The following SLFN5 variants were observed in gnomAD, a reference collection of about 807,000 sequenced individuals.
SLFN5 encodes the protein schlafen family member 5.
In SLFN5, 34 loss-of-function variants were observed where a neutral mutation model predicts 48.5. The ratio of observed to expected loss-of-function variants is 0.70; its 90% confidence interval spans 0.53 to 0.93. The LOEUF is 0.93. Ranked by LOEUF, SLFN5 falls within the 40% of genes least tolerant of loss-of-function variation. The probability of loss-of-function intolerance (pLI) is 0.00; values close to 1 mark genes in which losing one functional copy is unlikely to be tolerated. For missense variants in SLFN5, 1,006 were observed against 1,071.3 expected (o/e 0.94, Z 0.85); for synonymous variants, 387 against 396.2 (o/e 0.98, Z 0.28).
Position 35,267,364 on chromosome 17 carries a change from C to G in SLFN5, c.*1476C>G, listed in dbSNP as rs960522218. 3 of 152,102 alleles carry G rather than the reference C, an allele frequency of 2.0e-5. No individual in the cohort carries two copies. Among genetic ancestry groups the G allele is most frequent in the Non-Finnish European group, 2.9e-5 (2 of 68,038 alleles). 9.4% of individuals were successfully genotyped at this position (152,102 alleles called of 1,614,324 possible). A position where few individuals can be genotyped will look rare whatever the true frequency, so the allele number is the denominator to read the frequency against. Reference sequence around the variant, plus strand: ...GCAAAGAATGGAGTTCAACCTTACACTATAAACATCTAATAGATATGTATG... The same window carrying G: ...GCAAAGAATGGAGTTCAACCTTACAGTATAAACATCTAATAGATATGTATG... On this transcript the variant is annotated 3_prime_UTR_variant, in exon 5 of 5. Transcript: ENST00000299977.
At chr17:35,245,864 G>A (rs749121664) in intron 1 of SLFN5, among the ~76,000 whole-genome samples, 2 of 149,340 alleles carry the variant, frequency 1.3e-5, no homozygotes, top group African/African-American at 2.5e-5. Flanking sequence ...ATACTTTGGT[G>A]TGGAATGGCT....
rs115340692 is a variant in SLFN5 at position 35,263,072 on chromosome 17, G to A, written c.1139-1111G>A. ...ATCCTTGTTTCCACCTCTTTGCCTC[G>A]CACTTTGGATGTCAGCAACACAAAC... On this transcript the variant is annotated intron_variant, in intron 3 of 4. Coordinates refer to ENST00000299977, the MANE Select transcript of SLFN5 (RefSeq NM_144975.4). 8.4e-3 allele frequency among the ~76,000 whole-genome samples: 1,274 copies of A among 152,058 alleles called. 19 individuals carry two copies. Among genetic ancestry groups the A allele is most frequent in the East Asian group, 0.037 (191 of 5,164 alleles).
rs1328478422 is a variant in SLFN5, at chr17:35,259,447, G to T, written c.757G>T (p.Ala253Ser). The change falls in exon 2 of 5, where the codon GCT becomes TCT. Residue 253 changes from alanine (A) to serine (S), a missense_variant. Transcript: ENST00000299977. ...GAAAATAGACCTTACGAGCTTGAGG[G>T]CTTCTATTGATGGCTGTATTAAGAA... ...KEKIDLTSLR[A>S]SIDGCIKKLP... 6.2e-7 allele frequency: 1 copy of T among 1,614,144 alleles called. No individual in the cohort carries two copies. Among genetic ancestry groups the T allele is most frequent in the South Asian group, 1.1e-5 (1 of 91,076 alleles).
intron 2 of SLFN5, 41 bp from the exon 3 acceptor site, chr17:35,260,930 T>C: frequency 1.2e-6 from 2 of 1,608,362 alleles, no homozygotes; most frequent in Non-Finnish European, 8.5e-7. Flanking sequence ...AGTTGGGGTC[T>C]GCCTTTTTGC....
Position 35,264,968 on chromosome 17 carries a change from T to A in SLFN5, c.1859+65T>A. Reference sequence around the variant, plus strand: ...ACTGTGGCTGGTGTGGCTTTCAGTTTACTTGCTAAAATTCATATTGTATTT... The same window carrying A: ...ACTGTGGCTGGTGTGGCTTTCAGTTAACTTGCTAAAATTCATATTGTATTT... On this transcript the variant is annotated intron_variant, in intron 4 of 4. Transcript: ENST00000299977. The A allele has an allele frequency of 2.0e-6, 3 of 1,532,958 alleles. No homozygotes were observed. In the South Asian group the frequency reaches 4.0e-5, roughly 20 times the overall value. The allele number at this position is 1,532,958 out of a possible 1,614,324, so 95.0% of individuals were successfully genotyped here.
At chr17:35,250,435 G>A (rs921053831) in intron 1 of SLFN5, among the ~76,000 whole-genome samples, 16 of 152,040 alleles carry the variant, frequency 1.1e-4, no homozygotes, top group Non-Finnish European at 1.6e-4. Flanking sequence ...CGAGGCGGGC[G>A]GATCACGAGG....
Position 35,254,734 on chromosome 17 carries a change from C to T in SLFN5, c.-40-3917C>T, listed in dbSNP as rs528086584. Among the ~76,000 whole-genome samples the T allele has an allele frequency of 5.3e-5, 8 of 152,134 alleles. No individual in the cohort carries two copies. The East Asian group carries it at 5.8e-4, about 11-fold the overall frequency. On this transcript the variant is annotated intron_variant, in intron 1 of 4. Coordinates refer to ENST00000299977, the MANE Select transcript of SLFN5 (RefSeq NM_144975.4). ...TGTTGAGGTTTAAATTTCTGGATTTCGGCCGGGCGTGGTGGCTCACGCCTG... is the reference window on the plus strand; with the variant it reads ...TGTTGAGGTTTAAATTTCTGGATTTTGGCCGGGCGTGGTGGCTCACGCCTG...
At chr17:35,249,427 G>T (rs566255807) in intron 1 of SLFN5, among the ~76,000 whole-genome samples, 20 of 152,304 alleles carry the variant, frequency 1.3e-4, no homozygotes, top group Non-Finnish European at 2.8e-4. Flanking sequence ...CCAATAGTCT[G>T]CCTTTCCCTA....
chr17:35,272,629 A>G lies in SLFN5; in HGVS notation c.*6741A>G, dbSNP rs1051131372. 6.6e-6 allele frequency: 1 copy of G among 152,256 alleles called. No homozygotes were observed. Among genetic ancestry groups the G allele is most frequent in the Non-Finnish European group, 1.5e-5 (1 of 68,036 alleles). 9.4% of individuals were successfully genotyped at this position (152,256 alleles called of 1,614,324 possible). On this transcript the variant is annotated 3_prime_UTR_variant, in exon 5 of 5. Transcript: ENST00000299977. Reference sequence around the variant, plus strand: ...GAAAAAGAATTGCAATGAATATCACAGCCAAATAGTTAATTTCTTATTTTC... The same window carrying G: ...GAAAAAGAATTGCAATGAATATCACGGCCAAATAGTTAATTTCTTATTTTC...
intron 1 of SLFN5, among the ~76,000 whole-genome samples, chr17:35,244,156 A>T (rs1366311283): frequency 6.6e-6 from 1 of 152,174 alleles, no homozygotes; most frequent in African/African-American, 2.4e-5. Context: ...GTGCATCAGC[A>T]GTTTATAATT....
Position 35,265,454 on chromosome 17 carries a change from C to T in SLFN5, c.2242C>T (p.Pro748Ser). The change falls in exon 5 of 5, where the codon CCT (proline) becomes TCT (serine). Residue 748 changes from proline to serine, a missense_variant. Physicochemically the swap from Pro to Ser is moderately conservative, Grantham distance 74. Coordinates refer to ENST00000299977, the MANE Select transcript of SLFN5 (RefSeq NM_144975.4). ...PPGSLVMLYE[P>S]KWAQGVPGNL... ...TGGGTCCCTGGTGATGCTCTATGAA[C>T]CTAAATGGGCTCAAGGTGTCCCAGG... The T allele has an allele frequency of 1.9e-6, 3 of 1,613,584 alleles. No homozygotes were observed. The highest frequency in any genetic ancestry group is 1.1e-5 in the South Asian group (1 of 91,088).
At chr17:35,251,117 G>A (rs992868359) in intron 1 of SLFN5, among the ~76,000 whole-genome samples, 5 of 152,156 alleles carry the variant, frequency 3.3e-5, no homozygotes, top group Non-Finnish European at 5.9e-5. Context: ...TTCTTCAACA[G>A]CCTCCTTCCC....
Position 35,261,014 on chromosome 17 carries a change from A to C in SLFN5, c.1056A>C (p.Ser352=). ...AGATGGTTCTCCAGTTGAGTTTGTCATCTGCCACGCCCCGCAGCAAGCCTG... is the reference window on the plus strand; with the variant it reads ...AGATGGTTCTCCAGTTGAGTTTGTCCTCTGCCACGCCCCGCAGCAAGCCTG... The part of the protein sequence containing the change: ...CPEMVLQLSL[S]SATPRSKPVC... Residue 352 remains serine, a synonymous_variant, in exon 3 of 5, where the codon TCA becomes TCC. Transcript: ENST00000299977. 1.2e-6 allele frequency: 2 copies of C among 1,614,008 alleles called. No individual in the cohort carries two copies. The highest frequency in any genetic ancestry group is 1.7e-6 in the Non-Finnish European group (2 of 1,179,920).
At chr17:35,243,975 G>C (rs974000135) in intron 1 of SLFN5, among the ~76,000 whole-genome samples, 5 of 152,084 alleles carry the variant, frequency 3.3e-5, no homozygotes, top group Non-Finnish European at 7.4e-5. Context: ...TAAGGGAGGG[G>C]GAATTTCAGG....
chr17:35,247,418 T>C (rs976255788), intron 1 of SLFN5, among the ~76,000 whole-genome samples: 1 of 152,200 alleles, frequency 6.6e-6, no homozygotes, highest in Non-Finnish European at 1.5e-5. Context: ...TTAATGTCTT[T>C]AGTTTCCTTG....
Position 35,265,065 on chromosome 17 carries a change from C to T in SLFN5, c.1860-7C>T, listed in dbSNP as rs1904635611. 1.2e-6 allele frequency: 2 copies of T among 1,602,080 alleles called. No individual in the cohort carries two copies. The highest frequency in any genetic ancestry group is 3.4e-5 in the Admixed American group (2 of 58,904). On this transcript the variant is annotated splice_polypyrimidine_tract_variant and splice_region_variant and intron_variant, in intron 4 of 4. Coordinates refer to ENST00000299977, the MANE Select transcript of SLFN5 (RefSeq NM_144975.4). ...ATTGGGGAAAAACCTGACTCTGTTT[C>T]TTACAGTTTCAGCAAGAAAAACATC...
chr17:35,251,015 T>C (rs891586108), intron 1 of SLFN5, among the ~76,000 whole-genome samples: 4 of 152,308 alleles, frequency 2.6e-5, no homozygotes, highest in South Asian at 2.1e-4. Context: ...TTTTCTGAAA[T>C]TGGAGCACCT....
chr17:35,261,045 A>G lies in SLFN5; in HGVS notation c.1087A>G (p.Ile363Val), dbSNP rs764043013. 2.5e-6 allele frequency: 4 copies of G among 1,614,056 alleles called. No individual in the cohort carries two copies. In the South Asian group the frequency reaches 4.4e-5, roughly 18 times the overall value. ...CACGCCCCGCAGCAAGCCTGTGTGCATTCATAAGAATTCGGAATGTCTGAA... is the reference window on the plus strand; with the variant it reads ...CACGCCCCGCAGCAAGCCTGTGTGCGTTCATAAGAATTCGGAATGTCTGAA... ...SATPRSKPVC[I>V]HKNSECLKEQ... Residue 363 changes from isoleucine (I) to valine (V), a missense_variant, in exon 3 of 5, where the codon ATT becomes GTT. Physicochemically the swap from Ile to Val is conservative, Grantham distance 29 (BLOSUM62 3). Coordinates refer to ENST00000299977, the MANE Select transcript of SLFN5 (RefSeq NM_144975.4).
rs1904601973 is a variant in SLFN5, at chr17:35,264,116, ACGTATAATGATG to A, written c.1139-66_1139-55del. The A allele has an allele frequency of 8.0e-6, 12 of 1,500,736 alleles. No individual in the cohort carries two copies. In the South Asian group the frequency reaches 1.6e-4, roughly 20 times the overall value. 93.0% of individuals were successfully genotyped at this position (1,500,736 alleles called of 1,614,324 possible). On this transcript the variant is annotated intron_variant, in intron 3 of 4. Transcript: ENST00000299977. ...AGTCCCAGTGTTGATTAATTCTTCT[ACGTATAATGATG>A]ATTACTAGCTTGTCTGAGGCTTTTC...
Sources: gnomAD v4.1 joint callset for allele counts (sites outside exome capture counted in the v4.1 genomes callset) on GRCh38, gnomAD v4.1.1 for gene constraint, MANE v1.5 for transcripts, NCBI Gene and HGNC (gene_info 2026-07-23, HGNC 2026-07-21) for gene names.